Variants in DCC observed in about 807,000 individuals in gnomAD.
DCC encodes DCC netrin 1 receptor.
A neutral mutation model predicts 172.5 loss-of-function variants in DCC; 58 were observed. The observed-to-expected ratio is 0.34, with a 90% confidence interval of 0.27 to 0.42. The LOEUF is 0.42. DCC is among the 10% of genes least tolerant of loss of function. DCC has a pLI of 1.00. For missense variants in DCC, 1,740 were observed against 1,791.0 expected, an observed-to-expected ratio of 0.97 and a Z score of 0.51; for synonymous variants, 709 against 644.5, an observed-to-expected ratio of 1.10 and a Z score of -1.52.
intron 12 of DCC, among the ~76,000 whole-genome samples, chr18:53,249,153 A>G (rs1286245757): frequency 6.6e-6 from 1 of 151,988 alleles, no homozygotes; most frequent in Non-Finnish European, 1.5e-5. Context: ...GTGGATTCCC[A>G]TAGTTTTTAA....
intron 13 of DCC, among the ~76,000 whole-genome samples, chr18:53,312,985 GGGAGGGA>G (rs1302489541): frequency 2.3e-5 from 3 of 133,010 alleles, no homozygotes; most frequent in Non-Finnish European, 4.7e-5. Flanking sequence ...GAAGGGAGGA[GGGAGGGA>G]GGAGGGAGGA....
chr18:53,053,799 C>A (rs534715714), intron 5 of DCC, among the ~76,000 whole-genome samples: 2 of 152,142 alleles, frequency 1.3e-5, no homozygotes, highest in Non-Finnish European at 2.9e-5. Context: ...TCAAACAACA[C>A]ACATGATTTA....
At chr18:52,391,381 C>A (rs546995287) in intron 1 of DCC, among the ~76,000 whole-genome samples, 128 of 152,132 alleles carry the variant, frequency 8.4e-4, no homozygotes, top group Non-Finnish European at 1.4e-3. Flanking sequence ...AAGAGAGATC[C>A]AATTTTATTT....
At chr18:52,361,860 A>G (rs917295608) in intron 1 of DCC, among the ~76,000 whole-genome samples, 2 of 152,206 alleles carry the variant, frequency 1.3e-5, no homozygotes, top group Non-Finnish European at 2.9e-5. Context: ...AACCAGTATC[A>G]CCACAGCTCG....
chr18:52,925,213 C>A (rs777681544), intron 4 of DCC, 21 bp from the exon 5 acceptor site: 1 of 1,610,002 alleles, frequency 6.2e-7, no homozygotes, highest in Non-Finnish European at 8.5e-7. Flanking sequence ...ATTTACTCTG[C>A]ACCTTCCCTA....
intron 12 of DCC, among the ~76,000 whole-genome samples, chr18:53,246,978 C>G (rs1402297770): frequency 6.6e-6 from 1 of 151,876 alleles, no homozygotes; most frequent in African/African-American, 2.4e-5. Context: ...TGGTGGGAAC[C>G]AAGGAACTTG....
Position 53,483,490 on chromosome 18 carries a change from C to T in DCC, c.3737-3307C>T, listed in dbSNP as rs559749405. ...AAATACCATAGTAGTTTGATATCAA[C>T]ATCATCCCCTTAAAAAATATGTGAG... On this transcript the variant is annotated intron_variant, in intron 25 of 28. Coordinates refer to ENST00000442544, the MANE Select transcript of DCC (RefSeq NM_005215.4). Among the ~76,000 whole-genome samples the T allele has an allele frequency of 7.9e-5, 12 of 151,942 alleles. No individual in the cohort carries two copies. In the South Asian group the frequency reaches 2.5e-3, roughly 31 times the overall value.
At chr18:52,503,069 A>G (rs1270351294) in intron 1 of DCC, among the ~76,000 whole-genome samples, 1 of 152,152 alleles carries the variant, frequency 6.6e-6, no homozygotes, top group East Asian at 1.9e-4. Context: ...GTCAAATCAA[A>G]TCACAGAGGA....
intron 9 of DCC, among the ~76,000 whole-genome samples, chr18:53,189,396 T>C (rs1362884133): frequency 6.6e-6 from 1 of 151,814 alleles, no homozygotes. Flanking sequence ...GCTTAAAACA[T>C]AGCAATGCCA....
intron 1 of DCC, among the ~76,000 whole-genome samples, chr18:52,698,189 G>A (rs888254289): frequency 6.6e-6 from 1 of 152,156 alleles, no homozygotes; most frequent in African/African-American, 2.4e-5. Flanking sequence ...GAGGTAGGAA[G>A]TATTCCTCCA....
chr18:52,471,673 G>A (rs185895894), intron 1 of DCC, among the ~76,000 whole-genome samples: 1 of 152,318 alleles, frequency 6.6e-6, no homozygotes, highest in East Asian at 1.9e-4. Flanking sequence ...TGAACCTGTA[G>A]TAAATATATA....
chr18:53,158,894 G>A (rs543792310), intron 8 of DCC, among the ~76,000 whole-genome samples: 9 of 150,652 alleles, frequency 6.0e-5, no homozygotes, highest in Non-Finnish European at 8.8e-5. Context: ...TCAGGAGGAT[G>A]AGGCAGGAGA....
chr18:53,341,322 T>C (rs1309574507), intron 15 of DCC, among the ~76,000 whole-genome samples: 1 of 152,196 alleles, frequency 6.6e-6, no homozygotes, highest in African/African-American at 2.4e-5. Context: ...CCCTATCCTT[T>C]TTCTAATGAT....
chr18:53,406,998 A>C (rs747907564), intron 19 of DCC, among the ~76,000 whole-genome samples: 43 of 152,174 alleles, frequency 2.8e-4, no homozygotes, highest in Non-Finnish European at 5.1e-4. Flanking sequence ...GAATTTGCTC[A>C]GATACAATTT....
intron 5 of DCC, among the ~76,000 whole-genome samples, chr18:53,007,110 G>A (rs1410831123): frequency 1.3e-5 from 2 of 152,134 alleles, no homozygotes; most frequent in Non-Finnish European, 2.9e-5. Flanking sequence ...CCTGGCTGAA[G>A]TTTGTATGTA....
chr18:52,785,948 C>T (rs2145195604), intron 2 of DCC, among the ~76,000 whole-genome samples: 1 of 152,176 alleles, frequency 6.6e-6, no homozygotes, highest in East Asian at 1.9e-4. Flanking sequence ...TTTGGTGAAA[C>T]TATTATCCCT....
intron 2 of DCC, among the ~76,000 whole-genome samples, chr18:52,898,050 G>A (rs1049775671): frequency 1.3e-5 from 2 of 152,162 alleles, no homozygotes; most frequent in African/African-American, 4.8e-5. Context: ...ATTTAAAAGG[G>A]CAAAGGAGGT....
At chr18:52,581,329 C>A (rs1474039001) in intron 1 of DCC, among the ~76,000 whole-genome samples, 6 of 151,006 alleles carry the variant, frequency 4.0e-5, no homozygotes, top group Admixed American at 4.0e-4. Flanking sequence ...ACTATCTCAT[C>A]AGAAATATGC....
intron 7 of DCC, among the ~76,000 whole-genome samples, chr18:53,079,556 AGT>A (rs1401737999): frequency 6.6e-6 from 1 of 152,144 alleles, no homozygotes; most frequent in East Asian, 1.9e-4. Context: ...GCACGTGTTA[AGT>A]GGATGCTTAA....
Sources: allele counts gnomAD v4.1 joint callset (sites outside exome capture counted in the v4.1 genomes callset), GRCh38; gene constraint gnomAD v4.1.1; transcripts MANE v1.5; gene names NCBI Gene and HGNC (gene_info 2026-07-23, HGNC 2026-07-21).